ANKFN1: variants seen among roughly 807,000 people sequenced by gnomAD.
ANKFN1 encodes the protein ankyrin repeat and fibronectin type III domain containing 1.
Under a neutral mutation model 108.7 loss-of-function variants are expected in ANKFN1, and 74 were observed. That is an observed-to-expected ratio of 0.68 (90% CI 0.56 to 0.83). The LOEUF is 0.83. ANKFN1 is among the 40% of genes least tolerant of loss of function. ANKFN1 has a pLI of 0.00. For missense variants in ANKFN1, 1,505 were observed against 1,382.3 expected (o/e 1.09, Z -1.41); for synonymous variants, 547 against 516.2 (o/e 1.06, Z -0.81).
At chr17:56,174,217 C>G in intron 1 of ANKFN1, 1 of 985,552 alleles carries the variant, frequency 1.0e-6, no homozygotes, top group South Asian at 4.7e-5. Flanking sequence ...GCAGGGTTCT[C>G]TCTTTGCCAG....
chr17:56,267,597 C>T (rs2043685645), intron 3 of ANKFN1, among the ~76,000 whole-genome samples: 1 of 152,142 alleles, frequency 6.6e-6, no homozygotes, highest in South Asian at 2.1e-4. Context: ...AGTCCAGTTT[C>T]AATCTTCTAC....
chr17:56,462,483 G>C (rs2145263929), intron 14 of ANKFN1, among the ~76,000 whole-genome samples: 1 of 152,186 alleles, frequency 6.6e-6, no homozygotes, highest in South Asian at 2.1e-4. Context: ...AATCCCTGCT[G>C]CTCGGGAGGC....
At chr17:56,121,314 C>T (rs901938045) in intron 4 of ANKFN1, among the ~76,000 whole-genome samples, 2 of 151,938 alleles carry the variant, frequency 1.3e-5, no homozygotes, top group African/African-American at 2.4e-5. Flanking sequence ...TTCAGTTGAA[C>T]GTCTTTCAGA....
At chr17:56,457,139 T>C (rs1472350370) in intron 12 of ANKFN1, 118 bp from the exon 13 acceptor site, 2 of 1,161,484 alleles carry the variant, frequency 1.7e-6, no homozygotes, top group Non-Finnish European at 2.4e-6. Context: ...AGTGAACTTA[T>C]GATACTTAGC....
intron 4 of ANKFN1, among the ~76,000 whole-genome samples, chr17:56,130,680 A>G (rs1480817142): frequency 6.6e-6 from 1 of 152,174 alleles, no homozygotes; most frequent in Non-Finnish European, 1.5e-5. Flanking sequence ...TCTGCCAACC[A>G]AGGGGCATTT....
chr17:56,116,448 G>A (rs2143275535), intron 4 of ANKFN1, among the ~76,000 whole-genome samples: 1 of 152,264 alleles, frequency 6.6e-6, no homozygotes, highest in South Asian at 2.1e-4. Flanking sequence ...TGCAGATGGG[G>A]CCTAATGGGA....
At chr17:56,474,018 C>T (rs552303220) in intron 15 of ANKFN1, among the ~76,000 whole-genome samples, 4 of 152,184 alleles carry the variant, frequency 2.6e-5, no homozygotes, top group South Asian at 2.1e-4. Flanking sequence ...AAGTTTCAAC[C>T]GTAATTATCA....
intron 6 of ANKFN1, among the ~76,000 whole-genome samples, chr17:56,366,637 G>C (rs928879185): frequency 6.6e-6 from 1 of 152,112 alleles, no homozygotes; most frequent in Non-Finnish European, 1.5e-5. Context: ...TGTTGTAATA[G>C]ATTTAGATAT....
At chr17:56,087,240 G>A (rs1353619756) in intron 4 of ANKFN1, among the ~76,000 whole-genome samples, 1 of 151,304 alleles carries the variant, frequency 6.6e-6, no homozygotes, top group East Asian at 1.9e-4. Context: ...CTAAGCCTTA[G>A]CCATGGGTGA....
At chr17:56,395,763 C>T (rs928511506) in intron 8 of ANKFN1, among the ~76,000 whole-genome samples, 1 of 152,110 alleles carries the variant, frequency 6.6e-6, no homozygotes, top group African/African-American at 2.4e-5. Context: ...GCACGAGAAT[C>T]ACTTGAACCC....
intron 2 of ANKFN1, among the ~76,000 whole-genome samples, chr17:56,215,241 C>T (rs2143831510): frequency 6.6e-6 from 1 of 152,344 alleles, no homozygotes; most frequent in African/African-American, 2.4e-5. Flanking sequence ...GAGAGCACCA[C>T]ACTGCATGAG....
chr17:56,087,564 C>G (rs779203521), intron 4 of ANKFN1, among the ~76,000 whole-genome samples: 3 of 151,214 alleles, frequency 2.0e-5, no homozygotes, highest in Non-Finnish European at 4.4e-5. Context: ...TGTTTCCATT[C>G]TAGCCTCCAG....
rs71137198 is a variant in ANKFN1 at position 56,310,748 on chromosome 17, T to TTGTGTGTGTG, written c.54-15457_54-15448dup. 2.2e-3 allele frequency among the ~76,000 whole-genome samples: 336 copies of TTGTGTGTGTG among 150,174 alleles called. 2 individuals are homozygous for TTGTGTGTGTG. Among genetic ancestry groups the TTGTGTGTGTG allele is most frequent in the African/African-American group, 7.7e-3 (316 of 40,916 alleles). On this transcript the variant is annotated intron_variant, in intron 3 of 20. Coordinates refer to ENST00000682825, the MANE Select transcript of ANKFN1 (RefSeq NM_001370326.1). ...ACATATCCATCATCTCACAATTACT[T>TTGTGTGTGTG]TGTGTGTGTGTGTGTGTGTGTGTGT...
intron 4 of ANKFN1, among the ~76,000 whole-genome samples, chr17:56,124,032 G>C (rs1906781961): frequency 6.6e-6 from 1 of 152,124 alleles, no homozygotes; most frequent in African/African-American, 2.4e-5. Flanking sequence ...ATGGTGCGCA[G>C]AAAACCAAAC....
chr17:56,178,909 T>C (rs1474799709), intron 1 of ANKFN1, among the ~76,000 whole-genome samples: 1 of 149,742 alleles, frequency 6.7e-6, no homozygotes, highest in Non-Finnish European at 1.5e-5. Flanking sequence ...ATTCTATTAT[T>C]AATATTAAGT....
Position 56,220,805 on chromosome 17 carries a change from A to AGTGG in ANKFN1, c.13-7111_13-7110insTGGG, listed in dbSNP as rs1447468964. Among the ~76,000 whole-genome samples the AGTGG allele has an allele frequency of 3.5e-4, 25 of 70,800 alleles. 1 individual carries two copies. The highest frequency in any genetic ancestry group is 1.8e-3 in the East Asian group (2 of 1,084). The allele number at this position is 70,800 out of a possible 152,430, so 46.4% of individuals were successfully genotyped here. A position where few individuals can be genotyped will look rare whatever the true frequency, so the allele number is the denominator to read the frequency against. On this transcript the variant is annotated intron_variant, in intron 2 of 20. Coordinates refer to ENST00000682825, the MANE Select transcript of ANKFN1 (RefSeq NM_001370326.1). ...CAGGAAGGAAGGGAGGAAGGGAGGG[A>AGTGG]GGGAGGAAGGAAGGAAGGAAGGAAG...
rs370450172 is a variant in ANKFN1, at chr17:56,271,210, T to C, written c.53+43253T>C. Among the ~76,000 whole-genome samples the C allele has an allele frequency of 2.2e-4, 34 of 152,242 alleles. 1 individual carries two copies. The South Asian group carries it at 7.0e-3, about 32-fold the overall frequency. On this transcript the variant is annotated intron_variant, in intron 3 of 20. Coordinates refer to ENST00000682825, the MANE Select transcript of ANKFN1 (RefSeq NM_001370326.1). ...GTTTTGTAAAGATGGGGTTTTGCCA[T>C]GTTGCCCAGGCTGGTGTTGAACTTC...
At chr17:56,077,642 C>T (rs935713972) in intron 4 of ANKFN1, among the ~76,000 whole-genome samples, 1 of 152,234 alleles carries the variant, frequency 6.6e-6, no homozygotes, top group Non-Finnish European at 1.5e-5. Flanking sequence ...CTCTGGCCAA[C>T]TCATTGGCAA....
At chr17:56,446,009 C>A (rs1011253792) in intron 10 of ANKFN1, among the ~76,000 whole-genome samples, 1 of 152,184 alleles carries the variant, frequency 6.6e-6, no homozygotes, top group African/African-American at 2.4e-5. Flanking sequence ...TCTCCCTCAT[C>A]CCTAAAGTCT....
Sources: gnomAD v4.1 joint callset for allele counts (sites outside exome capture counted in the v4.1 genomes callset) on GRCh38, gnomAD v4.1.1 for gene constraint, MANE v1.5 for transcripts, NCBI Gene and HGNC (gene_info 2026-07-23, HGNC 2026-07-21) for gene names.